The following PLCXD3 variants were observed in gnomAD, a reference collection of about 807,000 sequenced individuals.
PLCXD3 encodes the protein phosphatidylinositol specific phospholipase C X domain containing 3.
PLCXD3 carries 19 observed loss-of-function variants against 25.5 expected under a neutral mutation model. The ratio of observed to expected loss-of-function variants is 0.75; its 90% CI spans 0.52 to 1.09. The LOEUF (loss-of-function observed/expected upper bound fraction) is 1.09, where lower values mean the gene tolerates loss of function less well. PLCXD3 is among the 50% of genes least tolerant of loss of function. The pLI is 0.00. For synonymous variants in PLCXD3, 174 were observed against 137.6 expected (o/e 1.26, Z -1.85); for missense variants, 411 against 388.1 (o/e 1.06, Z -0.50).
intron 1 of PLCXD3, among the ~76,000 whole-genome samples, chr5:41,386,565 T>C (rs912607740): frequency 6.6e-6 from 1 of 152,068 alleles, no homozygotes; most frequent in Non-Finnish European, 1.5e-5. Flanking sequence ...ATGAGACTTT[T>C]AAAAATATGT....
chr5:41,444,698 C>T (rs1361885799), intron 1 of PLCXD3, among the ~76,000 whole-genome samples: 1 of 147,948 alleles, frequency 6.8e-6, no homozygotes, highest in Non-Finnish European at 1.5e-5. Context: ...AATGCATTGT[C>T]AAATGGCCAA....
chr5:41,506,683 G>C (rs1023567801), intron 1 of PLCXD3, among the ~76,000 whole-genome samples: 1 of 152,228 alleles, frequency 6.6e-6, no homozygotes, highest in Non-Finnish European at 1.5e-5. Flanking sequence ...TTAAAAACTA[G>C]TAGGTCAGAC....
chr5:41,432,197 C>T (rs1747127959), intron 1 of PLCXD3, among the ~76,000 whole-genome samples: 1 of 152,180 alleles, frequency 6.6e-6, no homozygotes, highest in African/African-American at 2.4e-5. Context: ...CTTAAAGAAG[C>T]CTCCCATCTT....
intron 1 of PLCXD3, among the ~76,000 whole-genome samples, chr5:41,413,981 G>C (rs1746630765): frequency 6.6e-6 from 1 of 152,158 alleles, no homozygotes; most frequent in Non-Finnish European, 1.5e-5. Context: ...TGAAGCCTTG[G>C]AGGTTCTGAT....
At position 41,313,442 on chromosome 5, in the gene PLCXD3, A is replaced by T. The variant is rs1743198289; in HGVS notation, c.*175T>A. Reference sequence around the variant, plus strand: ...AATGGGAAATGAAATATTTATAGTAATGAAGAGTATGATTGTAATCACTGA... The same window carrying T: ...AATGGGAAATGAAATATTTATAGTATTGAAGAGTATGATTGTAATCACTGA... On this transcript the variant is annotated 3_prime_UTR_variant, in exon 3 of 3. Transcript: ENST00000377801. 2 of 592,412 alleles carry T rather than the reference A, an allele frequency of 3.4e-6. No homozygotes were observed. The highest frequency in any genetic ancestry group is 5.6e-6 in the Non-Finnish European group (2 of 355,708). 36.7% of individuals were successfully genotyped at this position (592,412 alleles called of 1,614,324 possible).
chr5:41,330,170 T>C (rs1743752493), intron 2 of PLCXD3, among the ~76,000 whole-genome samples: 2 of 151,952 alleles, frequency 1.3e-5, no homozygotes, highest in African/African-American at 4.8e-5. Context: ...ATAAAGATTA[T>C]TATAAAAATG....
chr5:41,422,688 G>T (rs926769951), intron 1 of PLCXD3, among the ~76,000 whole-genome samples: 10 of 152,166 alleles, frequency 6.6e-5, no homozygotes, highest in Admixed American at 3.3e-4. Flanking sequence ...CTTCAATAAA[G>T]TTTTACACAT....
At chr5:41,505,608 T>C (rs1459499672) in intron 1 of PLCXD3, among the ~76,000 whole-genome samples, 4 of 152,144 alleles carry the variant, frequency 2.6e-5, no homozygotes, top group Non-Finnish European at 5.9e-5. Flanking sequence ...AGAACCAATA[T>C]AGAGATGTTT....
intron 2 of PLCXD3, among the ~76,000 whole-genome samples, chr5:41,374,767 G>A (rs954564387): frequency 6.6e-6 from 1 of 152,118 alleles, no homozygotes; most frequent in African/African-American, 2.4e-5. Flanking sequence ...CTGTTGAATA[G>A]AATATTCCAA....
At chr5:41,479,725 GAGAA>G (rs1420998724) in intron 1 of PLCXD3, among the ~76,000 whole-genome samples, 11 of 150,244 alleles carry the variant, frequency 7.3e-5, no homozygotes, top group African/African-American at 2.8e-4. Flanking sequence ...GAGAGAGAGA[GAGAA>G]AGAGAGAGAG....
At chr5:41,352,028 A>G (rs1030321610) in intron 2 of PLCXD3, among the ~76,000 whole-genome samples, 1 of 152,162 alleles carries the variant, frequency 6.6e-6, no homozygotes, top group African/African-American at 2.4e-5. Context: ...TTTTTACTTA[A>G]TTTATTTACT....
chr5:41,319,885 A>G (rs189656328), intron 2 of PLCXD3, among the ~76,000 whole-genome samples: 1 of 152,302 alleles, frequency 6.6e-6, no homozygotes, highest in Admixed American at 6.5e-5. Flanking sequence ...ACAAAAGAAG[A>G]TCCAAATAAA....
At chr5:41,479,020 C>T (rs1166825199) in intron 1 of PLCXD3, among the ~76,000 whole-genome samples, 1 of 152,140 alleles carries the variant, frequency 6.6e-6, no homozygotes, top group Admixed American at 6.5e-5. Flanking sequence ...CCTCCCCTAA[C>T]ACGTGGGGAT....
At chr5:41,391,256 A>T (rs1745806271) in intron 1 of PLCXD3, among the ~76,000 whole-genome samples, 1 of 152,030 alleles carries the variant, frequency 6.6e-6, no homozygotes, top group African/African-American at 2.4e-5. Flanking sequence ...TACTGTTATC[A>T]CCCCTCCCCT....
At chr5:41,335,500 T>C (rs962720116) in intron 2 of PLCXD3, among the ~76,000 whole-genome samples, 1 of 152,182 alleles carries the variant, frequency 6.6e-6, no homozygotes, top group Non-Finnish European at 1.5e-5. Context: ...ATTGACTACC[T>C]ACTGCTGATT....
chr5:41,465,166 C>T (rs1326639947), intron 1 of PLCXD3, among the ~76,000 whole-genome samples: 1 of 151,794 alleles, frequency 6.6e-6, no homozygotes, highest in African/African-American at 2.4e-5. Context: ...AAACGTATGA[C>T]ATGTTTTTCA....
chr5:41,307,872 A>T lies in PLCXD3; in HGVS notation c.*5745T>A, dbSNP rs1224470896. ...GAGTTAGGCGGTGTTGCCACTTTTC[A>T]GGAGCATTTCTAATATGTCGGTGTG... On this transcript the variant is annotated 3_prime_UTR_variant, in exon 3 of 3. Coordinates refer to ENST00000377801, the MANE Select transcript of PLCXD3 (RefSeq NM_001005473.3). 1.3e-5 allele frequency: 2 copies of T among 152,164 alleles called. No individual in the cohort carries two copies. The highest frequency in any genetic ancestry group is 2.9e-5 in the Non-Finnish European group (2 of 68,022). 9.4% of individuals were successfully genotyped at this position (152,164 alleles called of 1,614,324 possible).
intron 1 of PLCXD3, among the ~76,000 whole-genome samples, chr5:41,460,626 A>G (rs554228869): frequency 6.6e-6 from 1 of 152,140 alleles, no homozygotes; most frequent in African/African-American, 2.4e-5. Context: ...TTGCACACAA[A>G]TAACTTTATC....
Position 41,317,895 on chromosome 5 carries a change from A to T in PLCXD3, c.813-4125T>A, listed in dbSNP as rs138752481. Among the ~76,000 whole-genome samples the T allele has an allele frequency of 2.9e-3, 440 of 152,210 alleles. 2 individuals carry two copies. Among genetic ancestry groups the T allele is most frequent in the African/African-American group, 1.0e-2 (414 of 41,554 alleles). ...GAAAATAGGCTGAAAAGACAAATCTAAGAGTTATTGGCCTTAAATAAGTAG... is the reference window on the plus strand; with the variant it reads ...GAAAATAGGCTGAAAAGACAAATCTTAGAGTTATTGGCCTTAAATAAGTAG... On this transcript the variant is annotated intron_variant, in intron 2 of 2. Transcript: ENST00000377801.
Sources: allele counts gnomAD v4.1 joint callset (sites outside exome capture counted in the v4.1 genomes callset), GRCh38; gene constraint gnomAD v4.1.1; transcripts MANE v1.5; gene names NCBI Gene and HGNC (gene_info 2026-07-23, HGNC 2026-07-21).